IL22RA1: variants seen among roughly 807,000 people sequenced by gnomAD.
IL22RA1 encodes interleukin 22 receptor subunit alpha 1.
IL22RA1 carries 25 observed loss-of-function variants against 32.8 expected under a neutral mutation model. That is an observed-to-expected ratio of 0.76 (90% CI 0.55 to 1.06). IL22RA1 has a LOEUF of 1.06. IL22RA1 is among the 50% of genes least tolerant of loss of function. The probability of loss-of-function intolerance (pLI) is 0.00; values close to 1 mark genes in which losing one functional copy is unlikely to be tolerated. For synonymous variants in IL22RA1, 305 were observed against 305.0 expected, an observed-to-expected ratio of 1.00 and a Z score of 0.00; for missense variants, 709 against 727.4, an observed-to-expected ratio of 0.97 and a Z score of 0.29.
At chr1:24,127,603 G>A (rs1257843226) in intron 5 of IL22RA1, among the ~76,000 whole-genome samples, 1 of 152,148 alleles carries the variant, frequency 6.6e-6, no homozygotes, top group African/African-American at 2.4e-5. Flanking sequence ...GTGAGCCACT[G>A]TGCCCGGCCA....
Position 24,120,823 on chromosome 1 carries a change from A to G in IL22RA1, c.1707T>C (p.Thr569=). Reference sequence around the variant, plus strand: ...ATTCCCCTCAGGACTCCCACTGCACAGTCAGGGCCAGGCCTCTGAAAAGAG... The same window carrying G: ...ATTCCCCTCAGGACTCCCACTGCACGGTCAGGGCCAGGCCTCTGAAAAGAG... ...LDSLFRGLAL[T]VQWES The change falls in exon 7 of 7, where the codon ACT becomes ACC. Residue 569 remains threonine (T), a synonymous_variant. Transcript: ENST00000270800. The G allele has an allele frequency of 1.2e-6, 2 of 1,607,568 alleles. No individual in the cohort carries two copies. The highest frequency in any genetic ancestry group is 1.7e-6 in the Non-Finnish European group (2 of 1,176,214).
rs1644112577 is a variant in IL22RA1, at chr1:24,120,575, A to G, written c.*230T>C. The G allele has an allele frequency of 3.9e-6, 2 of 507,412 alleles. No homozygotes were observed. The allele number at this position is 507,412 out of a possible 1,614,324, so 31.4% of individuals were successfully genotyped here. On this transcript the variant is annotated 3_prime_UTR_variant, in exon 7 of 7. Transcript: ENST00000270800. ...GCTCAGCGAGCACGCGCTTGTCTAC[A>G]CAAGCTGCTCCCCAGAGCTCCCCCG...
At chr1:24,141,911 C>T (rs1644283595) in intron 1 of IL22RA1, among the ~76,000 whole-genome samples, 1 of 152,164 alleles carries the variant, frequency 6.6e-6, no homozygotes, top group African/African-American at 2.4e-5. Context: ...GAAACAATTC[C>T]ACATGCTCTG....
Position 24,120,500 on chromosome 1 carries a change from C to A in IL22RA1, c.*305G>T, listed in dbSNP as rs781675220. 1 of 321,720 alleles carries A rather than the reference C, an allele frequency of 3.1e-6. No individual in the cohort carries two copies. The highest frequency in any genetic ancestry group is 5.7e-6 in the Non-Finnish European group (1 of 175,530). The allele number at this position is 321,720 out of a possible 1,614,324, so 19.9% of individuals were successfully genotyped here. A position where few individuals can be genotyped will look rare whatever the true frequency, so the allele number is the denominator to read the frequency against. On this transcript the variant is annotated 3_prime_UTR_variant, in exon 7 of 7. Transcript: ENST00000270800. The stretch of plus-strand genomic sequence containing the variant: ...TGTTAGGAGGTGGGGCTCTGGACCT[C>A]GGGAGTTTCCCTGCATTTCCTCCTT...
intron 1 of IL22RA1, 45 bp from the exon 2 acceptor site, chr1:24,138,759 C>T (rs761938531): frequency 2.0e-5 from 32 of 1,601,720 alleles, no homozygotes; most frequent in Non-Finnish European, 2.5e-5. Flanking sequence ...TTCCCAGGGT[C>T]ACCCTGCCCA....
At chr1:24,134,796 G>C in intron 3 of IL22RA1, 1 of 958,884 alleles carries the variant, frequency 1.0e-6, no homozygotes, top group Non-Finnish European at 1.2e-6. Context: ...TAATGTTTGG[G>C]GCCTAATACT....
chr1:24,139,104 A>G (rs1644263399), intron 1 of IL22RA1, among the ~76,000 whole-genome samples: 1 of 152,250 alleles, frequency 6.6e-6, no homozygotes, highest in Non-Finnish European at 1.5e-5. Flanking sequence ...CATGCCCATT[A>G]GCAGTCACTC....
Position 24,120,695 on chromosome 1 carries a change from G to A in IL22RA1, c.*110C>T, listed in dbSNP as rs191254729. On this transcript the variant is annotated 3_prime_UTR_variant, in exon 7 of 7. Transcript: ENST00000270800. ...CCCTCTGCTTCTCTCAAGGGCACCC[G>A]TCTGAGGCCAGATCGCAGAGTGTGT... is the stretch of plus-strand genomic sequence containing the variant. The A allele has an allele frequency of 2.0e-4, 218 of 1,088,032 alleles. No individual in the cohort carries two copies. The African/African-American group carries it at 2.3e-3, about 11-fold the overall frequency. 67.4% of individuals were successfully genotyped at this position (1,088,032 alleles called of 1,614,324 possible). A position where few individuals can be genotyped will look rare whatever the true frequency, so the allele number is the denominator to read the frequency against.
Position 24,121,076 on chromosome 1 carries a change from T to A in IL22RA1, c.1454A>T (p.Glu485Val). ...TSDPNVLHSGEEGTPQYLKGQ... is the reference protein window; with the variant it reads ...TSDPNVLHSGVEGTPQYLKGQ... ...CTTTAGGTACTGTGGTGTCCCTTCC[T>A]CCCCACTGTGTAGCACATTTGGGTC... is the stretch of plus-strand genomic sequence containing the variant. Residue 485 changes from glutamate to valine, a missense_variant, in exon 7 of 7, where the codon GAG becomes GTG. Physicochemically the swap from Glu to Val is moderately radical, Grantham distance 121 (BLOSUM62 -2). Transcript: ENST00000270800. 6.2e-7 allele frequency: 1 copy of A among 1,614,072 alleles called. No individual in the cohort carries two copies. Among genetic ancestry groups the A allele is most frequent in the Non-Finnish European group, 8.5e-7 (1 of 1,180,010 alleles).
intron 1 of IL22RA1, 127 bp from the exon 2 acceptor site, chr1:24,138,841 C>T (rs1644261238): frequency 8.6e-7 from 1 of 1,163,364 alleles, no homozygotes; most frequent in Non-Finnish European, 1.2e-6. Flanking sequence ...AGATGCCAGC[C>T]TGGTGGGTGG....
Position 24,123,416 on chromosome 1 carries a change from TGTCCG to T in IL22RA1, c.673_677del (p.Arg225MetfsTer62). The T allele has an allele frequency of 6.2e-7, 1 of 1,613,402 alleles. No individual in the cohort carries two copies. Among genetic ancestry groups the T allele is most frequent in the Non-Finnish European group, 8.5e-7 (1 of 1,179,772 alleles). Reference sequence around the variant, plus strand: ...AGGCTCCGGAGAAGGAGTAGGTCCATGTCCGGTCTGGGAAACCAAAGGGGCCAGAG... The same window carrying T: ...AGGCTCCGGAGAAGGAGTAGGTCCATGTCTGGGAAACCAAAGGGGCCAGAG... On this transcript the variant is annotated frameshift_variant and splice_region_variant, in exon 6 of 7. Transcript: ENST00000270800. LOFTEE classifies it high-confidence loss of function.
chr1:24,136,041 A>T (rs756793854), intron 3 of IL22RA1, among the ~76,000 whole-genome samples: 16 of 152,050 alleles, frequency 1.1e-4, no homozygotes, highest in Non-Finnish European at 1.6e-4. Context: ...TGCAGTCTTG[A>T]CCTCCTGGGT....
At chr1:24,136,437 A>C (rs1644242908) in intron 3 of IL22RA1, among the ~76,000 whole-genome samples, 1 of 152,210 alleles carries the variant, frequency 6.6e-6, no homozygotes, top group South Asian at 2.1e-4. Context: ...CCTGTATTGC[A>C]CTAGAGAATC....
chr1:24,142,894 C>T (rs1480531094), intron 1 of IL22RA1, 146 bp downstream of exon 1: 11 of 774,282 alleles, frequency 1.4e-5, no homozygotes, highest in East Asian at 2.7e-5. Context: ...TTTGCTTCTC[C>T]GTGAACACCC....
At chr1:24,142,702 T>C (rs370553076) in intron 1 of IL22RA1, among the ~76,000 whole-genome samples, 5 of 152,328 alleles carry the variant, frequency 3.3e-5, no homozygotes, top group Admixed American at 6.5e-5. Context: ...CCGACACCGT[T>C]TGAGGGACCG....
chr1:24,128,547 A>ATG (rs1490713536), intron 4 of IL22RA1, among the ~76,000 whole-genome samples: 2 of 151,246 alleles, frequency 1.3e-5, no homozygotes, highest in East Asian at 1.9e-4. Flanking sequence ...ATATATATAT[A>ATG]TAAAATGTGT....
chr1:24,129,368 C>A (rs1284538013), intron 4 of IL22RA1, among the ~76,000 whole-genome samples: 1 of 152,212 alleles, frequency 6.6e-6, no homozygotes, highest in African/African-American at 2.4e-5. Context: ...ATGGGCCCTG[C>A]CAGCTCCCTG....
chr1:24,139,966 G>A (rs1644269350), intron 1 of IL22RA1, among the ~76,000 whole-genome samples: 1 of 152,332 alleles, frequency 6.6e-6, no homozygotes, highest in East Asian at 1.9e-4. Flanking sequence ...AGGCGCTCTT[G>A]ACTGAGCCCA....
intron 3 of IL22RA1, 119 bp downstream of exon 3, chr1:24,137,012 C>T (rs1486577083): frequency 6.3e-6 from 6 of 947,256 alleles, no homozygotes; most frequent in Non-Finnish European, 9.2e-6. Context: ...TGCCCCTCCC[C>T]TTGCAGAGAG....
Sources: allele counts gnomAD v4.1 joint callset (sites outside exome capture counted in the v4.1 genomes callset), GRCh38; gene constraint gnomAD v4.1.1; transcripts MANE v1.5; gene names NCBI Gene and HGNC (gene_info 2026-07-23, HGNC 2026-07-21).